The following RABGAP1L variants were observed in gnomAD, a reference collection of about 807,000 sequenced individuals.
The protein encoded by RABGAP1L is RAB GTPase activating protein 1 like.
In RABGAP1L, 63 loss-of-function variants were observed where a neutral mutation model predicts 137.7. That is an observed-to-expected ratio of 0.46 (90% CI 0.37 to 0.56). The LOEUF is 0.56. Among genes scored for constraint, RABGAP1L ranks in the 20% least tolerant of loss-of-function variants. RABGAP1L has a pLI of 0.00. For synonymous variants in RABGAP1L, 431 were observed against 433.7 expected (o/e 0.99, Z 0.08); for missense variants, 1,095 against 1,244.0 (o/e 0.88, Z 1.80).
chr1:174,676,425 T>C (rs2148461523), intron 14 of RABGAP1L, among the ~76,000 whole-genome samples: 1 of 152,308 alleles, frequency 6.6e-6, no homozygotes, highest in African/African-American at 2.4e-5. Flanking sequence ...AGTTTGTGAG[T>C]ATTAGAAAAT....
At chr1:174,387,820 T>C (rs1686922012) in intron 12 of RABGAP1L, among the ~76,000 whole-genome samples, 1 of 152,108 alleles carries the variant, frequency 6.6e-6, no homozygotes, top group Non-Finnish European at 1.5e-5. Flanking sequence ...GAGGGAACTG[T>C]TTTAAAAAAC....
At chr1:174,777,810 C>T (rs1472568260) in intron 18 of RABGAP1L, among the ~76,000 whole-genome samples, 1 of 151,998 alleles carries the variant, frequency 6.6e-6, no homozygotes, top group African/African-American at 2.4e-5. Context: ...GATTAGTGAA[C>T]TTGAAAACAT....
At chr1:174,842,505 T>A (rs986698255) in intron 19 of RABGAP1L, among the ~76,000 whole-genome samples, 8 of 152,216 alleles carry the variant, frequency 5.3e-5, no homozygotes, top group African/African-American at 1.4e-4. Flanking sequence ...TGCTTGGCCC[T>A]TTGTAGTCCT....
At chr1:174,550,917 C>CACACACACACAT (rs1374389910) in intron 13 of RABGAP1L, among the ~76,000 whole-genome samples, 1 of 96,428 alleles carries the variant, frequency 1.0e-5, no homozygotes, top group African/African-American at 5.5e-5. Flanking sequence ...TATACACACA[C>CACACACACACAT]ACACATATAT....
At chr1:174,330,406 G>A (rs377630749) in intron 11 of RABGAP1L, among the ~76,000 whole-genome samples, 18 of 152,134 alleles carry the variant, frequency 1.2e-4, no homozygotes, top group African/African-American at 3.6e-4. Flanking sequence ...ATTGGGAGAC[G>A]TTGTCTCTAC....
chr1:174,351,039 A>C, intron 11 of RABGAP1L, among the ~76,000 whole-genome samples: 1 of 107,456 alleles, frequency 9.3e-6, no homozygotes, highest in East Asian at 3.3e-4. Flanking sequence ...AGTACAGTCC[A>C]GCTTCGGCTC....
chr1:174,475,239 A>T (rs1482028764), intron 13 of RABGAP1L, among the ~76,000 whole-genome samples: 1 of 152,104 alleles, frequency 6.6e-6, no homozygotes, highest in Non-Finnish European at 1.5e-5. Flanking sequence ...GGTGCTGCTG[A>T]TGCTGTAGTC....
chr1:174,636,507 A>G (rs1030667714), intron 13 of RABGAP1L, among the ~76,000 whole-genome samples: 1 of 147,772 alleles, frequency 6.8e-6, no homozygotes, highest in African/African-American at 2.6e-5. Flanking sequence ...CAGCCCGGGC[A>G]ACAGTGTGAG....
intron 18 of RABGAP1L, among the ~76,000 whole-genome samples, chr1:174,799,700 CCTCCTCCT>C (rs1688551015): frequency 6.6e-6 from 1 of 151,918 alleles, no homozygotes; most frequent in South Asian, 2.1e-4. Flanking sequence ...CATTCACCTA[CCTCCTCCT>C]CTTCCCTCCC....
intron 13 of RABGAP1L, among the ~76,000 whole-genome samples, chr1:174,555,220 A>G (rs1448061347): frequency 7.9e-5 from 12 of 152,238 alleles, no homozygotes; most frequent in African/African-American, 2.9e-4. Context: ...AAAGGATTAC[A>G]TGTATGCCAA....
chr1:174,861,642 C>T (rs1650290923), intron 19 of RABGAP1L, among the ~76,000 whole-genome samples: 1 of 151,894 alleles, frequency 6.6e-6, no homozygotes, highest in Non-Finnish European at 1.5e-5. Context: ...TAAATAATGG[C>T]CATCCTAACA....
chr1:174,355,627 T>A (rs182110340), intron 11 of RABGAP1L, among the ~76,000 whole-genome samples: 1,605 of 148,810 alleles, frequency 0.011, 27 homozygotes, highest in African/African-American at 0.036. Context: ...TAATAAAATT[T>A]AAAAAAAAAA....
chr1:174,510,186 G>A (rs2072760), intron 13 of RABGAP1L, among the ~76,000 whole-genome samples: 88,129 of 151,882 alleles, frequency 0.58, 27,871 homozygotes, highest in African/African-American at 0.85. Flanking sequence ...GCCTCCTTTT[G>A]CATATATGCC....
intron 14 of RABGAP1L, among the ~76,000 whole-genome samples, chr1:174,643,939 GTGTATGTA>G (rs745338599): frequency 6.7e-6 from 1 of 150,064 alleles, no homozygotes; most frequent in Non-Finnish European, 1.5e-5. Context: ...GTGTGTGTGT[GTGTATGTA>G]TGTATGTATG....
At chr1:174,250,197 C>G (rs1486270511) in intron 5 of RABGAP1L, among the ~76,000 whole-genome samples, 2 of 152,128 alleles carry the variant, frequency 1.3e-5, no homozygotes, top group African/African-American at 2.4e-5. Flanking sequence ...TCTTGGACTT[C>G]ACATTGATGA....
rs777443374 is a variant in RABGAP1L, at chr1:174,221,153, C to T, written c.320C>T (p.Pro107Leu). 19 of 1,601,632 alleles carry T rather than the reference C, an allele frequency of 1.2e-5. No individual in the cohort carries two copies. The highest frequency in any genetic ancestry group is 3.3e-4 in the Middle Eastern group (2 of 6,016). ...CCATCTCTTCAGTTAATTTTGGATC[C>T]GTCTAACACAGGTACTGTATTGAAT... is the stretch of plus-strand genomic sequence containing the variant. ...NKPSLQLILD[P>L]SNTEISTPRP... Residue 107 changes from proline (P) to leucine (L), a missense_variant, in exon 3 of 26, where the codon CCG (proline) becomes CTG (leucine). Physicochemically the swap from Pro to Leu is moderately conservative, Grantham distance 98 (BLOSUM62 -3). Transcript: ENST00000681986.
intron 18 of RABGAP1L, among the ~76,000 whole-genome samples, chr1:174,752,666 A>G (rs1322535936): frequency 6.6e-6 from 1 of 152,170 alleles, no homozygotes; most frequent in Admixed American, 6.5e-5. Context: ...GTTTTCTGTC[A>G]AAATGATGCC....
chr1:174,474,759 C>T (rs368972897), intron 13 of RABGAP1L, among the ~76,000 whole-genome samples: 24 of 152,166 alleles, frequency 1.6e-4, no homozygotes, highest in East Asian at 3.9e-4. Flanking sequence ...TGCGTCACCA[C>T]GCCCAGCTAA....
chr1:174,426,451 T>C (rs1335668291), intron 13 of RABGAP1L, among the ~76,000 whole-genome samples: 1 of 152,068 alleles, frequency 6.6e-6, no homozygotes, highest in Non-Finnish European at 1.5e-5. Context: ...TCCAAAACTT[T>C]TCTATTACAA....
Sources: allele counts gnomAD v4.1 joint callset (sites outside exome capture counted in the v4.1 genomes callset), GRCh38; gene constraint gnomAD v4.1.1; transcripts MANE v1.5; gene names NCBI Gene and HGNC (gene_info 2026-07-23, HGNC 2026-07-21).